The following RELN variants were observed in gnomAD, a reference collection of about 807,000 sequenced individuals.
The protein encoded by RELN is reelin.
In RELN, 108 loss-of-function variants were observed where a neutral mutation model predicts 427.6. The observed-to-expected ratio is 0.25, with a 90% CI of 0.22 to 0.30. RELN has a LOEUF of 0.30. Ranked by LOEUF, RELN falls within the 10% of genes least tolerant of loss-of-function variation. The probability of loss-of-function intolerance (pLI) is 1.00; values close to 1 mark genes in which losing one functional copy is unlikely to be tolerated. For missense variants in RELN, 3,715 were observed against 4,302.8 expected (o/e 0.86, Z 3.82); for synonymous variants, 1,524 against 1,513.4 (o/e 1.01, Z -0.16).
intron 2 of RELN, among the ~76,000 whole-genome samples, chr7:103,886,773 CAAT>C (rs1794733493): frequency 6.6e-6 from 1 of 152,014 alleles, no homozygotes; most frequent in South Asian, 2.1e-4. Context: ...ATCTCATGGC[CAAT>C]AATAATTCTA....
intron 4 of RELN, among the ~76,000 whole-genome samples, chr7:103,764,609 G>A (rs1364448242): frequency 6.6e-6 from 1 of 151,780 alleles, no homozygotes; most frequent in African/African-American, 2.4e-5. Flanking sequence ...AGGCTGAGGC[G>A]AGTGGATCAT....
At chr7:103,477,574 A>C (rs1828080601) in intron 64 of RELN, among the ~76,000 whole-genome samples, 1 of 152,206 alleles carries the variant, frequency 6.6e-6, no homozygotes, top group Non-Finnish European at 1.5e-5. Context: ...ATTTGACTTA[A>C]AGGCCATGCA....
chr7:103,835,301 G>A (rs1422594537), intron 2 of RELN, among the ~76,000 whole-genome samples: 1 of 152,164 alleles, frequency 6.6e-6, no homozygotes, highest in African/African-American at 2.4e-5. Flanking sequence ...GAGGGAGGTA[G>A]GATGAACAGA....
chr7:103,808,668 T>C (rs1327210047), intron 3 of RELN, among the ~76,000 whole-genome samples: 1 of 151,904 alleles, frequency 6.6e-6, no homozygotes, highest in East Asian at 1.9e-4. Context: ...AAAAATCTCT[T>C]GGAAATTTGA....
At chr7:103,639,086 G>T (rs1476557603) in intron 17 of RELN, among the ~76,000 whole-genome samples, 1 of 152,104 alleles carries the variant, frequency 6.6e-6, no homozygotes, top group African/African-American at 2.4e-5. Context: ...TAAGAAGATG[G>T]TCTGATTATG....
At chr7:103,798,306 G>C (rs1318545849) in intron 3 of RELN, among the ~76,000 whole-genome samples, 1 of 152,170 alleles carries the variant, frequency 6.6e-6, no homozygotes, top group African/African-American at 2.4e-5. Context: ...TCAAATCTTA[G>C]CTACAATACT....
chr7:103,748,697 A>C (rs1323042620), intron 6 of RELN, among the ~76,000 whole-genome samples: 2 of 152,258 alleles, frequency 1.3e-5, no homozygotes, highest in Non-Finnish European at 2.9e-5. Context: ...TTTTCTTTTT[A>C]GTCTTGAGTA....
chr7:103,807,109 T>C (rs1049627066), intron 3 of RELN, among the ~76,000 whole-genome samples: 2 of 152,206 alleles, frequency 1.3e-5, no homozygotes, highest in African/African-American at 4.8e-5. Flanking sequence ...AAATGGCAAC[T>C]GAGAGTTTGC....
At chr7:103,924,579 T>A (rs1237458622) in intron 1 of RELN, among the ~76,000 whole-genome samples, 1 of 152,064 alleles carries the variant, frequency 6.6e-6, no homozygotes, top group Non-Finnish European at 1.5e-5. Flanking sequence ...TAATGACCGA[T>A]GAAAACACCT....
rs1004456101 is a variant in RELN, at chr7:103,953,852, A to C, written c.226+35279T>G. Among the ~76,000 whole-genome samples, 3 of 152,180 alleles carry C rather than the reference A, an allele frequency of 2.0e-5. No individual in the cohort carries two copies. The highest frequency in any genetic ancestry group is 7.2e-5 in the African/African-American group (3 of 41,436). On this transcript the variant is annotated intron_variant, in intron 1 of 64. Transcript: ENST00000428762. This position sits in a 1 kb window ranked among gnomAD's most constrained non-coding sequence, Gnocchi z 4.3. ...GAGACTGAGGCAGGAGAATCCCCTC[A>C]ACCCAGGAGGCAGAGGCTGCAATGA...
rs113341798 is a variant in RELN at position 103,946,345 on chromosome 7, C to G, written c.227-29160G>C. Reference sequence around the variant, plus strand: ...TGGCTTAAAATGTTTAACAGATAAACCTTTAATTTTTCATTCTGCTCTAGT... The same window carrying G: ...TGGCTTAAAATGTTTAACAGATAAAGCTTTAATTTTTCATTCTGCTCTAGT... On this transcript the variant is annotated intron_variant, in intron 1 of 64. Coordinates refer to ENST00000428762, the MANE Select transcript of RELN (RefSeq NM_005045.4). Among the ~76,000 whole-genome samples the G allele has an allele frequency of 5.9e-5, 9 of 152,136 alleles. 3 individuals are homozygous for G. The highest frequency in any genetic ancestry group is 2.2e-4 in the African/African-American group (9 of 41,506).
chr7:103,722,033 T>C (rs1035700729), intron 8 of RELN, among the ~76,000 whole-genome samples: 1 of 152,186 alleles, frequency 6.6e-6, no homozygotes, highest in African/African-American at 2.4e-5. Flanking sequence ...TTATTTTTGT[T>C]TTTTCTAACA....
chr7:103,703,531 C>A (rs1834136860), intron 8 of RELN, among the ~76,000 whole-genome samples: 1 of 152,120 alleles, frequency 6.6e-6, no homozygotes, highest in South Asian at 2.1e-4. Flanking sequence ...TCTCAAGGTA[C>A]CTTCTTAGGG....
chr7:103,963,258 T>G (rs1350285220), intron 1 of RELN, among the ~76,000 whole-genome samples: 1 of 151,852 alleles, frequency 6.6e-6, no homozygotes, highest in Non-Finnish European at 1.5e-5. Context: ...AAGACAAACC[T>G]TAAACCCACA....
At position 103,917,449 on chromosome 7, in the gene RELN, T is replaced by A. The variant is rs1329844903; in HGVS notation, c.227-264A>T. Among the ~76,000 whole-genome samples, 5 of 152,118 alleles carry A rather than the reference T, an allele frequency of 3.3e-5. No homozygotes were observed. The East Asian group carries it at 9.6e-4, about 29-fold the overall frequency. ...TACACATTTCTTATGTGAACAATCA[T>A]CTGAAAATAATGTAATATTGAATAG... On this transcript the variant is annotated intron_variant, in intron 1 of 64. Coordinates refer to ENST00000428762, the MANE Select transcript of RELN (RefSeq NM_005045.4).
At chr7:103,700,481 G>C (rs1248531679) in intron 9 of RELN, among the ~76,000 whole-genome samples, 1 of 152,098 alleles carries the variant, frequency 6.6e-6, no homozygotes, top group Non-Finnish European at 1.5e-5. Context: ...CAGAACTGGA[G>C]ATTAGATGTA....
At chr7:103,511,478 A>G (rs1443344062) in intron 50 of RELN, among the ~76,000 whole-genome samples, 1 of 152,188 alleles carries the variant, frequency 6.6e-6, no homozygotes, top group African/African-American at 2.4e-5. Context: ...AGAGTTAACT[A>G]CTACTCACAT....
chr7:103,942,699 G>A (rs540246189), intron 1 of RELN, among the ~76,000 whole-genome samples: 2 of 152,214 alleles, frequency 1.3e-5, no homozygotes, highest in Admixed American at 6.5e-5. Context: ...GGATCACAAG[G>A]TCAAGAGGTT....
At chr7:103,903,267 C>A (rs889850540) in intron 2 of RELN, among the ~76,000 whole-genome samples, 1 of 148,214 alleles carries the variant, frequency 6.7e-6, no homozygotes, top group Non-Finnish European at 1.5e-5. Flanking sequence ...ACCCATGATT[C>A]CTAAGTGTTT....
Sources: allele counts gnomAD v4.1 joint callset (sites outside exome capture counted in the v4.1 genomes callset), GRCh38; gene constraint gnomAD v4.1.1; non-coding constraint Gnocchi (gnomAD v3.1); transcripts MANE v1.5; gene names NCBI Gene and HGNC (gene_info 2026-07-23, HGNC 2026-07-21).